The following SHISA9 variants were observed in gnomAD, a reference collection of about 807,000 sequenced individuals.
SHISA9 encodes the protein protein shisa-9.
In SHISA9, 13 loss-of-function variants were observed where a neutral mutation model predicts 38.0. The ratio of observed to expected loss-of-function variants is 0.34; its 90% confidence interval spans 0.22 to 0.54. The LOEUF (loss-of-function observed/expected upper bound fraction) is 0.54, where lower values mean the gene tolerates loss of function less well. SHISA9 is among the 20% of genes least tolerant of loss of function. SHISA9 has a pLI of 0.91. For synonymous variants in SHISA9, 275 were observed against 242.0 expected, an observed-to-expected ratio of 1.14 and a Z score of -1.27; for missense variants, 538 against 575.8, an observed-to-expected ratio of 0.93 and a Z score of 0.67.
chr16:13,240,619 GT>G (rs1169871934), downstream of SHISA9, among the ~76,000 whole-genome samples: 12 of 152,184 alleles, frequency 7.9e-5, no homozygotes, highest in Admixed American at 7.2e-4. Flanking sequence ...TTTTTGGTAA[GT>G]TTGTGTCACA....
At chr16:13,163,820 A>G (rs759794873) in intron 2 of SHISA9, among the ~76,000 whole-genome samples, 3 of 152,048 alleles carry the variant, frequency 2.0e-5, no homozygotes, top group African/African-American at 4.8e-5. Flanking sequence ...GGAGTTTGGT[A>G]TGTTAACCTT....
chr16:13,190,894 TA>T (rs1165809918), intron 2 of SHISA9, among the ~76,000 whole-genome samples: 1 of 152,212 alleles, frequency 6.6e-6, no homozygotes, highest in Admixed American at 6.5e-5. Flanking sequence ...CCAAAGGTTT[TA>T]TGATTATATA....
chr16:12,919,006 T>A (rs2071293977), intron 2 of SHISA9, among the ~76,000 whole-genome samples: 1 of 152,208 alleles, frequency 6.6e-6, no homozygotes, highest in South Asian at 2.1e-4. Context: ...TCCTTGTTTA[T>A]CTTTTTATTG....
chr16:12,960,627 G>A (rs1231833118), intron 2 of SHISA9, among the ~76,000 whole-genome samples: 1 of 152,176 alleles, frequency 6.6e-6, no homozygotes, highest in Non-Finnish European at 1.5e-5. Context: ...GGACATGGAC[G>A]GAGCTGGAAG....
At chr16:13,407,791 G>A in the SHISA9 span, among the ~76,000 whole-genome samples, 6 of 152,150 alleles carry the variant, frequency 3.9e-5, no homozygotes, top group Non-Finnish European at 8.8e-5. Context: ...ATGAAAAAAA[G>A]AAACTTGAGA....
chr16:13,202,845 A>G (rs1279807646), intron 2 of SHISA9, among the ~76,000 whole-genome samples: 2 of 152,194 alleles, frequency 1.3e-5, no homozygotes, highest in Non-Finnish European at 2.9e-5. Flanking sequence ...TAAAAGTGGT[A>G]TTGTTCAGTC....
the SHISA9 span, among the ~76,000 whole-genome samples, chr16:13,390,309 A>G: frequency 6.6e-6 from 1 of 152,156 alleles, no homozygotes; most frequent in Admixed American, 6.5e-5. Flanking sequence ...GATCTAAATT[A>G]GGCCTCAGAC....
At chr16:13,412,737 G>A in the SHISA9 span, among the ~76,000 whole-genome samples, 1 of 151,538 alleles carries the variant, frequency 6.6e-6, no homozygotes, top group African/African-American at 2.4e-5. Context: ...CACACTGGTA[G>A]TTCCAGGTAC....
intron 2 of SHISA9, among the ~76,000 whole-genome samples, chr16:13,120,352 G>A (rs1265240449): frequency 2.6e-5 from 4 of 152,084 alleles, no homozygotes; most frequent in African/African-American, 9.7e-5. Flanking sequence ...CTTTTTAACA[G>A]GGGATTGCAC....
chr16:13,178,432 G>C (rs1009141824), intron 2 of SHISA9, among the ~76,000 whole-genome samples: 2 of 151,296 alleles, frequency 1.3e-5, no homozygotes, highest in African/African-American at 4.9e-5. Flanking sequence ...CTCCCATCTT[G>C]GGCCCCACGT....
intron 2 of SHISA9, among the ~76,000 whole-genome samples, chr16:13,026,819 T>C (rs2072928086): frequency 6.6e-6 from 1 of 152,206 alleles, no homozygotes; most frequent in Non-Finnish European, 1.5e-5. Context: ...GATGGAAGAC[T>C]AACAAGTAGC....
chr16:13,425,035 T>C, the SHISA9 span, among the ~76,000 whole-genome samples: 1 of 152,242 alleles, frequency 6.6e-6, no homozygotes, highest in Admixed American at 6.5e-5. Flanking sequence ...AAAAGAATGA[T>C]ATCATGGCCT....
At chr16:13,121,492 G>A (rs1002580341) in intron 2 of SHISA9, among the ~76,000 whole-genome samples, 6 of 152,048 alleles carry the variant, frequency 3.9e-5, no homozygotes, top group South Asian at 2.1e-4. Flanking sequence ...AACCCATCTC[G>A]AAAATAAAGA....
intron 1 of SHISA9, chr16:12,902,994 G>A: frequency 4.6e-6 from 1 of 215,288 alleles, no homozygotes; most frequent in East Asian, 1.1e-4. Context: ...GGCACCCCTC[G>A]GATTCCAGGT....
intron 2 of SHISA9, among the ~76,000 whole-genome samples, chr16:13,154,414 A>T (rs533591182): frequency 1.3e-5 from 2 of 152,262 alleles, no homozygotes; most frequent in East Asian, 3.9e-4. Context: ...AATGTAGCGG[A>T]TCTCTTCTGG....
rs76357295 is a variant in SHISA9 at position 13,003,292 on chromosome 16, T to C, written c.691+86477T>C. Among the ~76,000 whole-genome samples, 1,518 of 152,290 alleles carry C rather than the reference T, an allele frequency of 1.0e-2. 6 individuals are homozygous for C. Among genetic ancestry groups the C allele is most frequent in the South Asian group, 0.027 (129 of 4,818 alleles). ...CATGTTTCAAGGCAGGGGGAAAACA[T>C]GATCTATTTTGCTCCAGGTTATATA... On this transcript the variant is annotated intron_variant, in intron 2 of 4. Transcript: ENST00000558583.
intron 1 of SHISA9, chr16:12,910,456 A>AAC (rs2141713369): frequency 1.0e-6 from 1 of 985,440 alleles, no homozygotes; most frequent in African/African-American, 1.7e-5. Flanking sequence ...GGAGACAGGT[A>AAC]ACACACAAGG....
At chr16:13,070,241 G>A (rs1469507818) in intron 2 of SHISA9, among the ~76,000 whole-genome samples, 3 of 151,170 alleles carry the variant, frequency 2.0e-5, no homozygotes, top group South Asian at 2.1e-4. Context: ...TTTTCTCCCC[G>A]TGCCCCTCAT....
chr16:13,528,066 A>G, the SHISA9 span, among the ~76,000 whole-genome samples: 2 of 152,174 alleles, frequency 1.3e-5, no homozygotes, highest in East Asian at 3.8e-4. Context: ...TGTTGGGAAA[A>G]TTAAACACTA....
Sources: allele counts gnomAD v4.1 joint callset (sites outside exome capture counted in the v4.1 genomes callset), GRCh38; gene constraint gnomAD v4.1.1; transcripts MANE v1.5; gene names NCBI Gene and HGNC (gene_info 2026-07-23, HGNC 2026-07-21).